The following RNF114 variants were observed in gnomAD, a reference collection of about 807,000 sequenced individuals.
RNF114 encodes ring finger protein 114.
A neutral mutation model predicts 28.4 loss-of-function variants in RNF114; 6 were observed. The observed-to-expected ratio is 0.21, with a 90% CI of 0.12 to 0.42. RNF114 has a LOEUF of 0.42. Among genes scored for constraint, RNF114 ranks in the 10% least tolerant of loss-of-function variants. The probability of loss-of-function intolerance (pLI) is 1.00; values close to 1 mark genes in which losing one functional copy is unlikely to be tolerated. For synonymous variants in RNF114, 115 were observed against 116.7 expected (o/e 0.99, Z 0.09); for missense variants, 249 against 311.7 (o/e 0.80, Z 1.51).
chr20:49,940,992 G>T (rs929799236), intron 1 of RNF114: 2 of 152,442 alleles, frequency 1.3e-5, no homozygotes, highest in African/African-American at 4.8e-5. Context: ...GCCTGCCTTG[G>T]CCTCCCAAAG....
Position 49,936,501 on chromosome 20 carries a change from C to G in RNF114, c.89C>G (p.Pro30Arg). ...EADPLGRFTC[P>R]VCLEVYEKPV... ...GACCCCCTAGGACGCTTCACGTGTC[C>G]CGTGTGCTTAGAGGTGTACGAGAAG... is the stretch of plus-strand genomic sequence containing the variant. The change falls in exon 1 of 6, where the codon CCC (proline) becomes CGC (arginine). Residue 30 changes from proline (P) to arginine (R), a missense_variant. Around this residue, in one of 2 missense-constraint regions of RNF114, gnomAD observed 123 missense variants for 106.4 expected, o/e 1.16. Transcript: ENST00000244061. 6.3e-7 allele frequency: 1 copy of G among 1,576,578 alleles called. No homozygotes were observed. Among genetic ancestry groups the G allele is most frequent in the Non-Finnish European group, 8.6e-7 (1 of 1,162,634 alleles).
rs574762650 is a variant in RNF114, at chr20:49,952,976, G to A, written c.*835G>A. 2.0e-5 allele frequency: 3 copies of A among 152,296 alleles called. No homozygotes were observed. The East Asian group carries it at 5.8e-4, about 29-fold the overall frequency. 9.4% of individuals were successfully genotyped at this position (152,296 alleles called of 1,614,324 possible). A position where few individuals can be genotyped will look rare whatever the true frequency, so the allele number is the denominator to read the frequency against. ...GTCATGTTTACCTCTCCATTTGGGA[G>A]CCTGCCTACATTCTTGTTCTAGAAG... On this transcript the variant is annotated 3_prime_UTR_variant, in exon 6 of 6. Transcript: ENST00000244061.
chr20:49,937,189 A>G (rs142443881), intron 1 of RNF114, among the ~76,000 whole-genome samples: 67 of 152,312 alleles, frequency 4.4e-4, no homozygotes, highest in African/African-American at 1.6e-3. Flanking sequence ...GGTTATAATG[A>G]TTAAAGCAGA....
rs907305463 is a variant in RNF114 at position 49,946,341 on chromosome 20, T to G, written c.513+91T>G. 5.9e-5 allele frequency: 38 copies of G among 647,436 alleles called. No individual in the cohort carries two copies. In the African/African-American group the frequency reaches 6.8e-4, roughly 12 times the overall value. 40.1% of individuals were successfully genotyped at this position (647,436 alleles called of 1,614,324 possible). Reference sequence around the variant, plus strand: ...ACGGGATTAGTAGAATGAACTCCTGTGTGCCCTTCACCTAGATTGACAGAT... The same window carrying G: ...ACGGGATTAGTAGAATGAACTCCTGGGTGCCCTTCACCTAGATTGACAGAT... On this transcript the variant is annotated intron_variant, in intron 4 of 5. Transcript: ENST00000244061.
intron 1 of RNF114, among the ~76,000 whole-genome samples, chr20:49,940,761 C>T (rs1269575208): frequency 2.0e-5 from 3 of 150,758 alleles, no homozygotes; most frequent in Non-Finnish European, 4.4e-5. Context: ...CTGCAGTCTT[C>T]CCCTCCACCC....
intron 4 of RNF114, among the ~76,000 whole-genome samples, chr20:49,947,820 T>C (rs2090339996): frequency 8.6e-6 from 1 of 115,700 alleles, no homozygotes; most frequent in Non-Finnish European, 1.7e-5. Flanking sequence ...GAGGCGGAGT[T>C]TCGCTCTGTC....
At chr20:49,948,302 G>T (rs978336249) in intron 4 of RNF114, among the ~76,000 whole-genome samples, 2 of 152,070 alleles carry the variant, frequency 1.3e-5, no homozygotes, top group Non-Finnish European at 2.9e-5. Flanking sequence ...TTAAGTGGGG[G>T]CACTTAGGTC....
At chr20:49,946,516 A>C (rs2090332202) in intron 4 of RNF114, among the ~76,000 whole-genome samples, 1 of 152,164 alleles carries the variant, frequency 6.6e-6, no homozygotes, top group African/African-American at 2.4e-5. Flanking sequence ...TAAGAACAAG[A>C]ATGTTTTCTT....
chr20:49,951,988 C>CAGTTGCTAGGCTGTCCTGCTTCGGATCG, intron 5 of RNF114, 88 bp from the exon 6 acceptor site: 1 of 1,109,158 alleles, frequency 9.0e-7, no homozygotes, highest in Non-Finnish European at 1.4e-6. Flanking sequence ...GCTCCGGATC[C>CAGTTGCTAGGCTGTCCTGCTTCGGATCG]AGTTGCTAGG....
chr20:49,950,466 A>T (rs1474895711), intron 5 of RNF114, among the ~76,000 whole-genome samples: 2 of 151,562 alleles, frequency 1.3e-5, no homozygotes, highest in Non-Finnish European at 2.9e-5. Context: ...GGATCGCTTG[A>T]GCTCAGGAGT....
chr20:49,940,768 A>AC (rs35600408), intron 1 of RNF114, among the ~76,000 whole-genome samples: 46 of 125,892 alleles, frequency 3.7e-4, no homozygotes, highest in African/African-American at 9.1e-4. Context: ...CTTCCCCTCC[A>AC]CCCCCCCCTT....
chr20:49,942,649 C>G (rs935278168), intron 2 of RNF114, among the ~76,000 whole-genome samples: 3 of 152,076 alleles, frequency 2.0e-5, no homozygotes, highest in African/African-American at 7.2e-5. Flanking sequence ...ATGGTGAAAC[C>G]TCGGCTCTAC....
chr20:49,950,411 G>A (rs960457124), intron 5 of RNF114, among the ~76,000 whole-genome samples: 1 of 151,486 alleles, frequency 6.6e-6, no homozygotes, highest in African/African-American at 2.4e-5. Flanking sequence ...GCGGTGCAGT[G>A]GTTCATACCT....
rs1177500411 is a variant in RNF114, at chr20:49,953,332, A to G, written c.*1191A>G. 3 of 152,342 alleles carry G rather than the reference A, an allele frequency of 2.0e-5. No individual in the cohort carries two copies. The highest frequency in any genetic ancestry group is 4.4e-5 in the Non-Finnish European group (3 of 68,038). 9.4% of individuals were successfully genotyped at this position (152,342 alleles called of 1,614,324 possible). ...GAACAGCTCAAGAACCTTGGAGTTC[A>G]TATTTCACAAATATTAATAAATATA... is the stretch of plus-strand genomic sequence containing the variant. On this transcript the variant is annotated 3_prime_UTR_variant, in exon 6 of 6. Transcript: ENST00000244061.
intron 2 of RNF114, chr20:49,944,262 G>A (rs1222803366): frequency 6.6e-6 from 1 of 152,080 alleles, no homozygotes; most frequent in East Asian, 1.9e-4. Context: ...GTAGAGACGA[G>A]TTTTGCATGT....
rs767151700 is a variant in RNF114, at chr20:49,946,138, A to C, written c.401A>C (p.Asn134Thr). 1.3e-6 allele frequency: 2 copies of C among 1,576,886 alleles called. No homozygotes were observed. Among genetic ancestry groups the C allele is most frequent in the Non-Finnish European group, 1.7e-6 (2 of 1,161,076 alleles). Residue 134 changes from asparagine (N) to threonine (T), a missense_variant and splice_region_variant, in exon 4 of 6, where the codon AAT becomes ACT. Asn to Thr is a moderately conservative substitution (Grantham distance 65). Transcript: ENST00000244061. ...TTTTCCTGTGTTTCACCTTCCAGGA[A>C]TGTTCCAAACCGTTACACCTTTCCT... ...TIKDASLQPRNVPNRYTFPCP... is the reference protein window; with the variant it reads ...TIKDASLQPRTVPNRYTFPCP...
chr20:49,942,913 A>G (rs1190678745), intron 2 of RNF114, among the ~76,000 whole-genome samples: 3 of 152,244 alleles, frequency 2.0e-5, no homozygotes, highest in African/African-American at 7.2e-5. Context: ...ACCAAGTTGT[A>G]GGATTTTTGC....
At chr20:49,947,057 T>C (rs1223464870) in intron 4 of RNF114, among the ~76,000 whole-genome samples, 2 of 151,944 alleles carry the variant, frequency 1.3e-5, no homozygotes, top group Non-Finnish European at 2.9e-5. Context: ...CCATCTCTAC[T>C]AAAAATACAA....
chr20:49,948,026 G>A (rs1276365325), intron 4 of RNF114, among the ~76,000 whole-genome samples: 1 of 151,616 alleles, frequency 6.6e-6, no homozygotes, highest in Admixed American at 6.6e-5. Flanking sequence ...TCCTGACCTC[G>A]TGATCCGCCC....
Sources: gnomAD v4.1 joint callset for allele counts (sites outside exome capture counted in the v4.1 genomes callset) on GRCh38, gnomAD v4.1.1 for gene constraint, gnomAD v4.1.1 regional missense constraint, MANE v1.5 for transcripts, NCBI Gene and HGNC (gene_info 2026-07-23, HGNC 2026-07-21) for gene names.